The following TMEM63C variants were observed in gnomAD, a reference collection of about 807,000 sequenced individuals.
TMEM63C encodes the protein transmembrane protein 63C.
Under a neutral mutation model 99.2 loss-of-function variants are expected in TMEM63C, and 32 were observed. The observed-to-expected ratio is 0.32, with a 90% CI of 0.24 to 0.43. TMEM63C has a LOEUF of 0.43. Among genes scored for constraint, TMEM63C ranks in the 20% least tolerant of loss-of-function variants. The pLI, the probability that TMEM63C is intolerant of heterozygous loss-of-function variation, is 1.00. For missense variants in TMEM63C, 826 were observed against 1,053.0 expected (o/e 0.78, Z 2.98); for synonymous variants, 376 against 397.9 (o/e 0.94, Z 0.66).
chr14:77,239,352 G>A (rs1889115376), intron 10 of TMEM63C, 60 bp from the exon 11 acceptor site: 12 of 1,567,596 alleles, frequency 7.7e-6, no homozygotes, highest in Middle Eastern at 1.7e-4. Flanking sequence ...TGGGCAGGGG[G>A]TAGGGGCAGC....
rs866211915 is a variant in TMEM63C, at chr14:77,220,037, G to A, written c.262G>A (p.Glu88Lys). ...LTSLIYGEQS[E>K]KTSPSETSLE... is the part of the protein sequence containing the mutation. ...CTCGCTGATCTATGGGGAGCAGAGC[G>A]AGAAGACATCTCCCTCGGAGACTTC... Residue 88 changes from glutamate (E) to lysine (K), a missense_variant, in exon 5 of 24, where the codon GAG (glutamate) becomes AAG (lysine). By Grantham distance (56) the Glu-to-Lys change is moderately conservative. Transcript: ENST00000298351. 3.8e-6 allele frequency: 6 copies of A among 1,562,356 alleles called. No homozygotes were observed. The highest frequency in any genetic ancestry group is 1.4e-5 in the African/African-American group (1 of 73,506).
At chr14:77,253,931 C>T (rs924234598) in intron 23 of TMEM63C, among the ~76,000 whole-genome samples, 2 of 152,132 alleles carry the variant, frequency 1.3e-5, no homozygotes, top group Admixed American at 1.3e-4. Context: ...GCACAAGCAC[C>T]CACCCGCATC....
At chr14:77,229,547 A>G (rs28562820) in intron 6 of TMEM63C, among the ~76,000 whole-genome samples, 44,615 of 149,438 alleles carry the variant, frequency 0.3, 7,721 homozygotes, top group East Asian at 0.58. Flanking sequence ...TCCCAGGCTC[A>G]AGCGATCCTC....
At chr14:77,251,537 C>T (rs897901497) in intron 21 of TMEM63C, among the ~76,000 whole-genome samples, 5 of 152,222 alleles carry the variant, frequency 3.3e-5, no homozygotes, top group Non-Finnish European at 7.3e-5. Flanking sequence ...AGGAAGGACA[C>T]ATTTAATGGG....
intron 1 of TMEM63C, among the ~76,000 whole-genome samples, chr14:77,193,790 C>T (rs1028453865): frequency 2.6e-5 from 4 of 151,262 alleles, no homozygotes; most frequent in Admixed American, 6.6e-5. Flanking sequence ...GCAGAGATTG[C>T]GCCACTGCAC....
intron 6 of TMEM63C, among the ~76,000 whole-genome samples, chr14:77,229,562 C>A (rs541941182): frequency 0.013 from 1,955 of 149,764 alleles, 57 homozygotes; most frequent in Non-Finnish European, 0.014. Flanking sequence ...ATCCTCCTAC[C>A]TCAGCCTCCA....
chr14:77,193,415 G>T (rs568974124), intron 1 of TMEM63C, among the ~76,000 whole-genome samples: 7 of 152,290 alleles, frequency 4.6e-5, no homozygotes, highest in African/African-American at 1.7e-4. Context: ...AAAGATGTAG[G>T]CTGGGCACGG....
chr14:77,249,980 G>A (rs567475022), intron 21 of TMEM63C, among the ~76,000 whole-genome samples: 26 of 152,278 alleles, frequency 1.7e-4, no homozygotes, highest in Admixed American at 4.6e-4. Context: ...GACTACAGGC[G>A]TGAGCTGTCA....
chr14:77,194,557 T>TTCTTTCTTTCTTTCTGTCTTTCTTTCTG (rs1888182321), intron 1 of TMEM63C, among the ~76,000 whole-genome samples: 1 of 118,570 alleles, frequency 8.4e-6, no homozygotes, highest in Admixed American at 9.1e-5. Context: ...TTCTTTCTCT[T>TTCTTTCTTTCTTTCTGTCTTTCTTTCTG]TCTTTCTTTC....
rs1225750183 is a variant in TMEM63C at position 77,236,715 on chromosome 14, C to G, written c.634C>G (p.Pro212Ala). 2 of 1,611,556 alleles carry G rather than the reference C, an allele frequency of 1.2e-6. No individual in the cohort carries two copies. The highest frequency in any genetic ancestry group is 2.7e-5 in the African/African-American group (2 of 74,692). ...FMAHHCLGFA[P>A]RNSQKVTRTL... ...GGCTCATCACTGCCTGGGGTTTGCACCCAGGAATAGCCAAAAGGTAAGTAG... is the reference window on the plus strand; with the variant it reads ...GGCTCATCACTGCCTGGGGTTTGCAGCCAGGAATAGCCAAAAGGTAAGTAG... Residue 212 changes from proline (P) to alanine (A), a missense_variant, in exon 9 of 24, where the codon CCC (proline) becomes GCC (alanine). Coordinates refer to ENST00000298351, the MANE Select transcript of TMEM63C (RefSeq NM_020431.4).
chr14:77,246,707 G>T (rs1399115432), intron 18 of TMEM63C, 33 bp downstream of exon 18: 2 of 1,578,584 alleles, frequency 1.3e-6, no homozygotes, highest in South Asian at 2.2e-5. Context: ...CAGGGCTGCT[G>T]TGTGTGCACA....
chr14:77,209,701 C>T lies in TMEM63C; in HGVS notation c.-76-3745C>T, dbSNP rs181403591. ...GTACAATATAAGCTGGACTCAGGGG[C>T]TTTAAATGCTGATGAGACCAAGGCT... On this transcript the variant is annotated intron_variant, in intron 1 of 23. Coordinates refer to ENST00000298351, the MANE Select transcript of TMEM63C (RefSeq NM_020431.4). Among the ~76,000 whole-genome samples the T allele has an allele frequency of 2.8e-4, 42 of 152,222 alleles. 1 individual carries two copies. The East Asian group carries it at 7.9e-3, about 29-fold the overall frequency.
intron 3 of TMEM63C, 34 bp from the exon 4 acceptor site, chr14:77,219,464 T>C (rs1888650504): frequency 6.2e-7 from 1 of 1,607,912 alleles, no homozygotes. Context: ...ATCCATGAAG[T>C]CTCCCACCCC....
intron 2 of TMEM63C, among the ~76,000 whole-genome samples, chr14:77,216,672 T>A (rs144514292): frequency 2.5e-4 from 38 of 152,296 alleles, no homozygotes; most frequent in Non-Finnish European, 4.1e-4. Flanking sequence ...TCGACTCCTC[T>A]CACTCTTTCA....
chr14:77,229,501 G>A (rs2140117077), intron 6 of TMEM63C, among the ~76,000 whole-genome samples: 1 of 151,670 alleles, frequency 6.6e-6, no homozygotes, highest in East Asian at 2.0e-4. Context: ...AGGCTGGAGT[G>A]CAGTGGCATG....
chr14:77,235,447 A>G (rs1352975096), intron 8 of TMEM63C, among the ~76,000 whole-genome samples: 54 of 6,570 alleles, frequency 8.2e-3, no homozygotes, highest in Middle Eastern at 0.083. Context: ...GGGGGACTGC[A>G]GTGGGTGGGG....
intron 7 of TMEM63C, 22 bp downstream of exon 7, chr14:77,231,752 C>G (rs1298511024): frequency 6.4e-7 from 1 of 1,551,128 alleles, no homozygotes; most frequent in Non-Finnish European, 8.7e-7. Flanking sequence ...TCAGCTGGCC[C>G]TGGGGCAGCA....
chr14:77,212,016 A>G (rs971211134), intron 1 of TMEM63C, among the ~76,000 whole-genome samples: 1 of 152,154 alleles, frequency 6.6e-6, no homozygotes, highest in Non-Finnish European at 1.5e-5. Flanking sequence ...TTCCATCCTC[A>G]CATCTCTCCT....
At position 77,195,261 on chromosome 14, in the gene TMEM63C, T is replaced by TA. The variant is rs1888196182; in HGVS notation, c.-77+13368dup. ...GGCCCAAGAGTTCACCGCCAATCTT[T>TA]ATTTTATCCATGAGGAAAATGAGAG... On this transcript the variant is annotated intron_variant, in intron 1 of 23. Transcript: ENST00000298351. Among the ~76,000 whole-genome samples, 5 of 152,328 alleles carry TA rather than the reference T, an allele frequency of 3.3e-5. 1 individual carries two copies. The South Asian group carries it at 1.0e-3, about 32-fold the overall frequency.
Sources: gnomAD v4.1 joint callset for allele counts (sites outside exome capture counted in the v4.1 genomes callset) on GRCh38, gnomAD v4.1.1 for gene constraint, MANE v1.5 for transcripts, NCBI Gene and HGNC (gene_info 2026-07-23, HGNC 2026-07-21) for gene names.